The following CRPPA variants were observed in gnomAD, a reference collection of about 807,000 sequenced individuals.
CRPPA encodes CDP-L-ribitol pyrophosphorylase A, also known as D-ribitol-5-phosphate cytidylyltransferase.
Under a neutral mutation model 52.0 loss-of-function variants are expected in CRPPA, and 43 were observed. That is an observed-to-expected ratio of 0.83 (90% CI 0.65 to 1.07). The LOEUF (loss-of-function observed/expected upper bound fraction) is 1.07, where lower values mean the gene tolerates loss of function less well. CRPPA is among the 50% of genes least tolerant of loss of function. The probability of loss-of-function intolerance (pLI) is 0.00; values close to 1 mark genes in which losing one functional copy is unlikely to be tolerated. For synonymous variants in CRPPA, 250 were observed against 203.5 expected (o/e 1.23, Z -1.94); for missense variants, 629 against 551.7 (o/e 1.14, Z -1.40).
At chr7:16,367,458 T>C (rs1396451807) in intron 3 of CRPPA, among the ~76,000 whole-genome samples, 2 of 152,264 alleles carry the variant, frequency 1.3e-5, no homozygotes, top group South Asian at 2.1e-4. Flanking sequence ...TAAAATTTCA[T>C]CTTTTTGACT....
intron 5 of CRPPA, among the ~76,000 whole-genome samples, chr7:16,285,403 T>A (rs915876778): frequency 2.0e-5 from 3 of 152,162 alleles, no homozygotes; most frequent in Admixed American, 6.5e-5. Flanking sequence ...CACTATCCTA[T>A]TTTTTAAGTA....
At chr7:16,191,553 C>T (rs1029420401) in intron 9 of CRPPA, among the ~76,000 whole-genome samples, 5 of 152,106 alleles carry the variant, frequency 3.3e-5, no homozygotes, top group Non-Finnish European at 7.4e-5. Flanking sequence ...ACTGTTGTAG[C>T]TCCGAAGGAT....
intron 2 of CRPPA, among the ~76,000 whole-genome samples, chr7:16,377,538 C>T (rs1439937093): frequency 1.3e-5 from 2 of 152,352 alleles, no homozygotes; most frequent in Admixed American, 6.5e-5. Flanking sequence ...ACTCCGTCCT[C>T]ATTGAAACTA....
chr7:16,126,663 C>G (rs1782587370), intron 9 of CRPPA, among the ~76,000 whole-genome samples: 1 of 152,070 alleles, frequency 6.6e-6, no homozygotes, highest in African/African-American at 2.4e-5. Flanking sequence ...CACTGAAAAA[C>G]TCAATAGAAG....
chr7:16,229,157 T>G (rs1782726444), intron 8 of CRPPA, among the ~76,000 whole-genome samples: 1 of 152,056 alleles, frequency 6.6e-6, no homozygotes, highest in East Asian at 1.9e-4. Flanking sequence ...CCCTTCACTT[T>G]CAGTTTGTGT....
chr7:16,378,657 C>G (rs1786979626), intron 2 of CRPPA, among the ~76,000 whole-genome samples: 1 of 151,352 alleles, frequency 6.6e-6, no homozygotes, highest in African/African-American at 2.4e-5. Flanking sequence ...AATGGTATTT[C>G]TAGTTCTAGA....
Position 16,278,126 on chromosome 7 carries a change from T to C in CRPPA, c.933+3A>G, listed in dbSNP as rs377582530. 2.3e-5 allele frequency: 33 copies of C among 1,462,138 alleles called. No homozygotes were observed. In the East Asian group the frequency reaches 5.2e-4, roughly 23 times the overall value. The allele number at this position is 1,462,138 out of a possible 1,614,324, so 90.6% of individuals were successfully genotyped here. A position where few individuals can be genotyped will look rare whatever the true frequency, so the allele number is the denominator to read the frequency against. On this transcript the variant is annotated splice_donor_region_variant and intron_variant, in intron 6 of 9. Transcript: ENST00000407010. ...TTATCAAACTCAGTCTTTGAATACT[T>C]ACATTTAATTCACTTTTCAGCACTT... is the stretch of plus-strand genomic sequence containing the variant.
intron 8 of CRPPA, among the ~76,000 whole-genome samples, chr7:16,232,542 T>C (rs1193453469): frequency 6.6e-6 from 1 of 152,136 alleles, no homozygotes; most frequent in Admixed American, 6.6e-5. Flanking sequence ...ATCACTTTTC[T>C]TTATAAATTG....
chr7:16,395,424 G>T (rs1050925497), intron 2 of CRPPA, among the ~76,000 whole-genome samples: 4 of 152,146 alleles, frequency 2.6e-5, no homozygotes, highest in African/African-American at 9.7e-5. Flanking sequence ...ATATAATTAT[G>T]ATTTTAGTTA....
chr7:16,397,579 T>C (rs1284476495), intron 2 of CRPPA, among the ~76,000 whole-genome samples: 1 of 138,902 alleles, frequency 7.2e-6, no homozygotes, highest in Non-Finnish European at 1.5e-5. Flanking sequence ...GACTGACATA[T>C]GAGACGTGAC....
chr7:16,151,227 G>A (rs1562527696), intron 9 of CRPPA, among the ~76,000 whole-genome samples: 3 of 152,098 alleles, frequency 2.0e-5, no homozygotes, highest in African/African-American at 7.2e-5. Flanking sequence ...TTAGTGTGTT[G>A]CCTCTTCTAA....
At chr7:16,396,993 C>A (rs920924004) in intron 2 of CRPPA, among the ~76,000 whole-genome samples, 1 of 152,060 alleles carries the variant, frequency 6.6e-6, no homozygotes, top group Non-Finnish European at 1.5e-5. Flanking sequence ...TGTGACATGA[C>A]TGACATGGAA....
intron 6 of CRPPA, among the ~76,000 whole-genome samples, chr7:16,263,379 CTTCAATAT>C (rs1179180985): frequency 6.6e-6 from 1 of 152,176 alleles, no homozygotes; most frequent in Non-Finnish European, 1.5e-5. Context: ...CCCATATTGA[CTTCAATAT>C]CTACTTGCTT....
At chr7:16,300,596 C>G (rs974605580) in intron 5 of CRPPA, among the ~76,000 whole-genome samples, 1 of 152,066 alleles carries the variant, frequency 6.6e-6, no homozygotes, top group African/African-American at 2.4e-5. Context: ...CTGTCAAAAC[C>G]AGGGGAAGGG....
chr7:16,415,476 A>G (rs987856392), intron 1 of CRPPA, among the ~76,000 whole-genome samples: 1 of 152,184 alleles, frequency 6.6e-6, no homozygotes, highest in Non-Finnish European at 1.5e-5. Context: ...TATCTGTTAA[A>G]GATCTGGGAA....
chr7:16,147,597 C>T (rs575508237), intron 9 of CRPPA, among the ~76,000 whole-genome samples: 25 of 152,224 alleles, frequency 1.6e-4, no homozygotes, highest in Middle Eastern at 3.4e-3. Flanking sequence ...AACTTCCTCC[C>T]TTTTAAGAAA....
chr7:16,259,533 C>G (rs1318473598), intron 6 of CRPPA, among the ~76,000 whole-genome samples: 1 of 151,942 alleles, frequency 6.6e-6, no homozygotes, highest in African/African-American at 2.4e-5. Context: ...CGGGAACTTA[C>G]TTCTACTACT....
intron 9 of CRPPA, among the ~76,000 whole-genome samples, chr7:16,120,030 C>T (rs546214939): frequency 3.5e-4 from 53 of 152,206 alleles, no homozygotes; most frequent in African/African-American, 1.3e-3. Context: ...CAACAAGGAA[C>T]AGACACATTT....
intron 2 of CRPPA, among the ~76,000 whole-genome samples, chr7:16,376,625 G>A (rs888678480): frequency 6.6e-6 from 1 of 152,122 alleles, no homozygotes; most frequent in Non-Finnish European, 1.5e-5. Context: ...ATACCCTCAG[G>A]AGAGTTACAT....
Sources: allele counts gnomAD v4.1 joint callset (sites outside exome capture counted in the v4.1 genomes callset), GRCh38; gene constraint gnomAD v4.1.1; transcripts MANE v1.5; gene names NCBI Gene and HGNC (gene_info 2026-07-23, HGNC 2026-07-21).